Variants in MEGF6 observed in about 807,000 individuals in gnomAD.
MEGF6 encodes multiple EGF like domains 6, also known as multiple epidermal growth factor-like domains protein 6.
A neutral mutation model predicts 207.1 loss-of-function variants in MEGF6; 184 were observed. The observed-to-expected ratio is 0.89, with a 90% CI of 0.79 to 1.00. MEGF6 has a LOEUF of 1.00. Among genes scored for constraint, MEGF6 ranks in the 50% least tolerant of loss-of-function variants. MEGF6 has a pLI of 0.00. For missense variants in MEGF6, 2,282 were observed against 2,202.9 expected, an observed-to-expected ratio of 1.04 and a Z score of -0.72; for synonymous variants, 1,038 against 910.0, an observed-to-expected ratio of 1.14 and a Z score of -2.53.
In MEGF6 at chr1:3,490,590, C is replaced by T. The variant is rs1347510319; in HGVS notation, c.4565-1G>A. Reference sequence around the variant, plus strand: ...CTGCTGGAGGCGGGCAGTGTGCCCGCTGGGGAAAAGGAGAAAAGAGGGCCA... The same window carrying T: ...CTGCTGGAGGCGGGCAGTGTGCCCGTTGGGGAAAAGGAGAAAAGAGGGCCA... On this transcript the variant is annotated splice_acceptor_variant, in intron 36 of 36. Coordinates refer to ENST00000356575, the MANE Select transcript of MEGF6 (RefSeq NM_001409.4). LOFTEE classifies it high-confidence loss of function. 1.4e-5 allele frequency: 23 copies of T among 1,613,024 alleles called. No individual in the cohort carries two copies. The East Asian group carries it at 4.9e-4, about 34-fold the overall frequency.
chr1:3,591,534 T>C (rs2101826537), intron 3 of MEGF6, among the ~76,000 whole-genome samples: 1 of 152,280 alleles, frequency 6.6e-6, no homozygotes, highest in South Asian at 2.1e-4. Context: ...CCACATGAAG[T>C]GACTCATTTA....
At chr1:3,593,784 G>A (rs1644017129) in intron 3 of MEGF6, among the ~76,000 whole-genome samples, 1 of 152,092 alleles carries the variant, frequency 6.6e-6, no homozygotes. Flanking sequence ...GGTGCCATCA[G>A]CAACAGTGGG....
rs143814672 is a variant in MEGF6, at chr1:3,564,574, G to T, written c.481+15251C>A. Reference sequence around the variant, plus strand: ...CTCCCCACTGTGCTGGTCTAAGGTTGCCCTGGCCACCAGCCCAGCCCTGGC... The same window carrying T: ...CTCCCCACTGTGCTGGTCTAAGGTTTCCCTGGCCACCAGCCCAGCCCTGGC... On this transcript the variant is annotated intron_variant, in intron 4 of 36. Coordinates refer to ENST00000356575, the MANE Select transcript of MEGF6 (RefSeq NM_001409.4). Among the ~76,000 whole-genome samples, 677 of 152,164 alleles carry T rather than the reference G, an allele frequency of 4.4e-3. 3 individuals are homozygous for T. Among genetic ancestry groups the T allele is most frequent in the African/African-American group, 0.016 (651 of 41,504 alleles).
intron 2 of MEGF6, among the ~76,000 whole-genome samples, chr1:3,600,541 A>G (rs1256606298): frequency 6.6e-6 from 1 of 152,164 alleles, no homozygotes; most frequent in Non-Finnish European, 1.5e-5. Context: ...GGGAGGGATG[A>G]AGGGAGCAAG....
chr1:3,490,332 C>A lies in MEGF6; in HGVS notation c.*196G>T. On this transcript the variant is annotated 3_prime_UTR_variant, in exon 37 of 37. Coordinates refer to ENST00000356575, the MANE Select transcript of MEGF6 (RefSeq NM_001409.4). ...AGGCGCCTCTCTTCCAGCGGCCATG[C>A]GAGGCTTCCCTCCTCAAGGCCACAC... 1 of 614,368 alleles carries A rather than the reference C, an allele frequency of 1.6e-6. No homozygotes were observed. Among genetic ancestry groups the A allele is most frequent in the Non-Finnish European group, 2.8e-6 (1 of 360,806 alleles). 38.1% of individuals were successfully genotyped at this position (614,368 alleles called of 1,614,324 possible). A position where few individuals can be genotyped will look rare whatever the true frequency, so the allele number is the denominator to read the frequency against.
chr1:3,536,888 AC>A (rs1642345374), intron 4 of MEGF6, among the ~76,000 whole-genome samples: 1 of 151,856 alleles, frequency 6.6e-6, no homozygotes, highest in Non-Finnish European at 1.5e-5. Flanking sequence ...TCCAGCCAAC[AC>A]CCCCAACTGC....
intron 35 of MEGF6, 91 bp downstream of exon 35, chr1:3,492,548 A>C: frequency 1.3e-6 from 2 of 1,560,354 alleles, no homozygotes; most frequent in South Asian, 1.1e-5. Context: ...CCAACTCCGC[A>C]GTGGGTGAGA....
At chr1:3,514,352 G>A (rs944690192) in intron 7 of MEGF6, among the ~76,000 whole-genome samples, 198 bp downstream of exon 7, 3 of 152,092 alleles carry the variant, frequency 2.0e-5, no homozygotes, top group Non-Finnish European at 4.4e-5. Flanking sequence ...AGCAGCTTTT[G>A]CGAGCCTTCC....
At chr1:3,522,841 G>A (rs1641807122) in intron 5 of MEGF6, among the ~76,000 whole-genome samples, 1 of 152,164 alleles carries the variant, frequency 6.6e-6, no homozygotes, top group Admixed American at 6.5e-5. Flanking sequence ...AAAAGGACGT[G>A]CCCCCCAAGA....
At position 3,595,323 on chromosome 1, in the gene MEGF6, G is replaced by A. The variant is rs370364701; in HGVS notation, c.376+15C>T. On this transcript the variant is annotated intron_variant, in intron 3 of 36. Coordinates refer to ENST00000356575, the MANE Select transcript of MEGF6 (RefSeq NM_001409.4). ...GGAGGTGGAGGGAGGGCGGGGAGGC[G>A]CAGGCGGCACTCACCCGAGAGGCAG... 4.6e-4 allele frequency: 733 copies of A among 1,591,202 alleles called. 8 individuals carry two copies. Among genetic ancestry groups the A allele is most frequent in the Middle Eastern group, 5.0e-4 (3 of 5,970 alleles).
At chr1:3,611,575 G>C (rs1263419319), upstream of MEGF6, 193 of 133,410 alleles carry the variant, frequency 1.4e-3, no homozygotes, top group African/African-American at 0.016. Flanking sequence ...CCCCAGTCCC[G>C]ACCCGCCCTG....
intron 4 of MEGF6, among the ~76,000 whole-genome samples, chr1:3,539,215 A>T (rs184089144): frequency 3.9e-5 from 6 of 152,220 alleles, no homozygotes; most frequent in Non-Finnish European, 7.4e-5. Flanking sequence ...CAGTGTCACT[A>T]CAGACCCAAG....
chr1:3,623,460 T>A, the MEGF6 span: 11 of 152,256 alleles, frequency 7.2e-5, no homozygotes, highest in East Asian at 1.7e-3. Flanking sequence ...CAGGTCTTGC[T>A]GGGCGTGCCA....
intron 35 of MEGF6, among the ~76,000 whole-genome samples, chr1:3,492,189 G>C (rs1299311658): frequency 6.6e-6 from 1 of 152,062 alleles, no homozygotes; most frequent in Non-Finnish European, 1.5e-5. Context: ...ACACCCTGCT[G>C]TACGCACTGT....
In MEGF6 at chr1:3,500,777, T is replaced by C. The variant is rs1640825703; in HGVS notation, c.2576-13A>G. The C allele has an allele frequency of 1.2e-6, 2 of 1,604,638 alleles. No homozygotes were observed. The highest frequency in any genetic ancestry group is 1.7e-6 in the Non-Finnish European group (2 of 1,175,706). Reference sequence around the variant, plus strand: ...CCAGTATCACAGGCTGCAACAGAACTCAGGGTCACCCGGCGCAGGCCCAAG... The same window carrying C: ...CCAGTATCACAGGCTGCAACAGAACCCAGGGTCACCCGGCGCAGGCCCAAG... On this transcript the variant is annotated splice_polypyrimidine_tract_variant and intron_variant, in intron 20 of 36. Transcript: ENST00000356575.
chr1:3,622,161 T>C, the MEGF6 span, among the ~76,000 whole-genome samples: 1 of 152,148 alleles, frequency 6.6e-6, no homozygotes, highest in Non-Finnish European at 1.5e-5. Context: ...TAGAATGATA[T>C]GGTTTAGCTG....
chr1:3,580,437 T>A (rs1643767501), intron 3 of MEGF6, among the ~76,000 whole-genome samples: 1 of 151,958 alleles, frequency 6.6e-6, no homozygotes, highest in Non-Finnish European at 1.5e-5. Flanking sequence ...GGAGGAAAGG[T>A]CCCGGCAGGT....
chr1:3,600,593 G>A (rs1226680602), intron 2 of MEGF6, among the ~76,000 whole-genome samples: 3 of 152,200 alleles, frequency 2.0e-5, no homozygotes, highest in Non-Finnish European at 2.9e-5. Context: ...GTCTTGCCGC[G>A]TGGAGTGATA....
At position 3,594,039 on chromosome 1, in the gene MEGF6, C is replaced by T. The variant is rs575316888; in HGVS notation, c.376+1299G>A. ...GCTTCCTGTGTGAGAAGAGCCCCTG[C>T]GGCTCCAGGCAACTACCCGCCATAA... On this transcript the variant is annotated intron_variant, in intron 3 of 36. Transcript: ENST00000356575. This position sits in a 1 kb window ranked among gnomAD's most constrained non-coding sequence, Gnocchi z 4.2. Among the ~76,000 whole-genome samples, 19 of 152,294 alleles carry T rather than the reference C, an allele frequency of 1.2e-4. No homozygotes were observed. The highest frequency in any genetic ancestry group is 3.9e-4 in the East Asian group (2 of 5,168).
Sources: gnomAD v4.1 joint callset for allele counts (sites outside exome capture counted in the v4.1 genomes callset) on GRCh38, gnomAD v4.1.1 for gene constraint, Gnocchi (gnomAD v3.1) non-coding constraint, MANE v1.5 for transcripts, NCBI Gene and HGNC (gene_info 2026-07-23, HGNC 2026-07-21) for gene names.